EPB41L4A: variants seen among roughly 807,000 people sequenced by gnomAD.
EPB41L4A encodes the protein band 4.1-like protein 4A.
A neutral mutation model predicts 108.6 loss-of-function variants in EPB41L4A; 100 were observed. The observed-to-expected ratio is 0.92, with a 90% CI of 0.78 to 1.09. The LOEUF is 1.09. Ranked by LOEUF, EPB41L4A falls within the 50% of genes least tolerant of loss-of-function variation. The pLI is 0.00. For missense variants in EPB41L4A, 1,030 were observed against 842.7 expected, an observed-to-expected ratio of 1.22 and a Z score of -2.75; for synonymous variants, 319 against 289.0, an observed-to-expected ratio of 1.10 and a Z score of -1.05.
intron 1 of EPB41L4A, among the ~76,000 whole-genome samples, chr5:112,353,133 T>C (rs1758148185): frequency 6.6e-6 from 1 of 152,210 alleles, no homozygotes; most frequent in Non-Finnish European, 1.5e-5. Flanking sequence ...TAGGCTGTTA[T>C]TAGTGAAGAC....
chr5:112,386,933 C>A (rs1446799555), intron 1 of EPB41L4A, among the ~76,000 whole-genome samples: 1 of 152,140 alleles, frequency 6.6e-6, no homozygotes, highest in Non-Finnish European at 1.5e-5. Context: ...CTCCCACCGA[C>A]CTCACCACTG....
chr5:112,219,773 G>A (rs1315459062), intron 12 of EPB41L4A, among the ~76,000 whole-genome samples: 1 of 152,190 alleles, frequency 6.6e-6, no homozygotes, highest in African/African-American at 2.4e-5. Context: ...TTGGCTCACT[G>A]CAACTTCCAT....
At chr5:112,257,723 T>C (rs1305541548) in intron 9 of EPB41L4A, among the ~76,000 whole-genome samples, 1 of 152,192 alleles carries the variant, frequency 6.6e-6, no homozygotes, top group African/African-American at 2.4e-5. Flanking sequence ...ATACTCTGAA[T>C]AATAGTAATG....
intron 12 of EPB41L4A, among the ~76,000 whole-genome samples, chr5:112,223,678 AAAG>A (rs1369598107): frequency 2.0e-5 from 3 of 152,344 alleles, no homozygotes; most frequent in East Asian, 3.9e-4. Flanking sequence ...CTGACTTCCA[AAAG>A]AAGGAGCAGG....
chr5:112,333,728 C>A (rs533993848), intron 1 of EPB41L4A, among the ~76,000 whole-genome samples: 119 of 152,322 alleles, frequency 7.8e-4, no homozygotes, highest in African/African-American at 2.8e-3. Flanking sequence ...GTCACCAGTT[C>A]TCTTTTTGCA....
At position 112,178,696 on chromosome 5, in the gene EPB41L4A, G is replaced by T. The variant is rs115562011; in HGVS notation, c.1622+5320C>A. On this transcript the variant is annotated intron_variant, in intron 18 of 22. Transcript: ENST00000261486. ...AAATGCCAGCATCAAAAAAAGACAA[G>T]ATACATTAAAAATTATTTTGAACTG... 7.7e-3 allele frequency among the ~76,000 whole-genome samples: 1,169 copies of T among 151,280 alleles called. 5 individuals are homozygous for T. Among genetic ancestry groups the T allele is most frequent in the Middle Eastern group, 0.017 (5 of 292 alleles).
intron 1 of EPB41L4A, among the ~76,000 whole-genome samples, chr5:112,388,207 C>T (rs1287663546): frequency 6.6e-6 from 1 of 152,196 alleles, no homozygotes; most frequent in Non-Finnish European, 1.5e-5. Flanking sequence ...TTATCTCCTC[C>T]CTTCCCATCA....
intron 15 of EPB41L4A, among the ~76,000 whole-genome samples, 194 bp from the exon 16 acceptor site, chr5:112,195,902 C>T (rs1371781140): frequency 6.6e-6 from 1 of 152,128 alleles, no homozygotes; most frequent in Non-Finnish European, 1.5e-5. Flanking sequence ...ATAACATCAC[C>T]TGGCCTCACT....
chr5:112,310,786 G>C (rs1255445270), intron 1 of EPB41L4A, among the ~76,000 whole-genome samples: 1 of 152,032 alleles, frequency 6.6e-6, no homozygotes, highest in African/African-American at 2.4e-5. Flanking sequence ...CCCCCTATTT[G>C]AGTCTTGGTG....
At chr5:112,212,734 G>A (rs540070767) in intron 12 of EPB41L4A, among the ~76,000 whole-genome samples, 30 of 152,210 alleles carry the variant, frequency 2.0e-4, no homozygotes, top group African/African-American at 7.2e-4. Flanking sequence ...GGGAGAGGGG[G>A]CCACAGCAGA....
chr5:112,392,401 C>CAA (rs56256606), intron 1 of EPB41L4A, among the ~76,000 whole-genome samples: 1,457 of 35,854 alleles, frequency 0.041, 80 homozygotes, highest in African/African-American at 0.079. Context: ...AAATGGAAAG[C>CAA]AAAAAAAAAA....
chr5:112,396,077 C>T lies in EPB41L4A; in HGVS notation c.99+22864G>A, dbSNP rs184854298. Among the ~76,000 whole-genome samples, 372 of 152,134 alleles carry T rather than the reference C, an allele frequency of 2.4e-3. 1 individual carries two copies. Among genetic ancestry groups the T allele is most frequent in the Non-Finnish European group, 4.2e-3 (286 of 67,998 alleles). ...GAACACTTGGACACAGGGCAGGGAACATCACCCACTGGGGCCTGTCGTGGG... is the reference window on the plus strand; with the variant it reads ...GAACACTTGGACACAGGGCAGGGAATATCACCCACTGGGGCCTGTCGTGGG... On this transcript the variant is annotated intron_variant, in intron 1 of 22. Coordinates refer to ENST00000261486, the MANE Select transcript of EPB41L4A (RefSeq NM_022140.5).
chr5:112,283,652 C>A (rs966965147), intron 2 of EPB41L4A, among the ~76,000 whole-genome samples: 6 of 152,226 alleles, frequency 3.9e-5, no homozygotes, highest in Admixed American at 1.3e-4. Context: ...GGATATCATT[C>A]ATTCATTCAT....
intron 1 of EPB41L4A, among the ~76,000 whole-genome samples, chr5:112,348,329 C>T (rs998934454): frequency 6.6e-6 from 1 of 152,164 alleles, no homozygotes; most frequent in Non-Finnish European, 1.5e-5. Flanking sequence ...GCCTATAAAC[C>T]TCTCAAAAGC....
At chr5:112,351,112 C>T (rs1389732256) in intron 1 of EPB41L4A, among the ~76,000 whole-genome samples, 2 of 151,570 alleles carry the variant, frequency 1.3e-5, no homozygotes, top group African/African-American at 2.4e-5. Context: ...CAAAATGAGT[C>T]AAAGGAAAGA....
At chr5:112,158,393 G>C (rs181314437), downstream of EPB41L4A, 246 of 431,264 alleles carry the variant, frequency 5.7e-4, no homozygotes, top group Non-Finnish European at 1.0e-3. Flanking sequence ...CATGTGTGTA[G>C]TTATTACCTT....
At chr5:112,387,841 A>C (rs1196494512) in intron 1 of EPB41L4A, among the ~76,000 whole-genome samples, 1 of 152,244 alleles carries the variant, frequency 6.6e-6, no homozygotes, top group Non-Finnish European at 1.5e-5. Flanking sequence ...GTATACAATC[A>C]TATTAAAGAG....
rs578016549 is a variant in EPB41L4A, at chr5:112,406,609, G to A, written c.99+12332C>T. On this transcript the variant is annotated intron_variant, in intron 1 of 22. Transcript: ENST00000261486. ...GGTCATAGGAACAGACCAGAGGCCT[G>A]AGATGGCTTAATTTAAGGGCTGGGG... 2.0e-5 allele frequency among the ~76,000 whole-genome samples: 3 copies of A among 152,210 alleles called. No individual in the cohort carries two copies. The South Asian group carries it at 6.2e-4, about 32-fold the overall frequency.
At chr5:112,402,588 G>A (rs1169290165) in intron 1 of EPB41L4A, among the ~76,000 whole-genome samples, 1 of 152,094 alleles carries the variant, frequency 6.6e-6, no homozygotes, top group East Asian at 1.9e-4. Flanking sequence ...AAAAGAAAAA[G>A]CGTGGGGAAA....
Sources: gnomAD v4.1 joint callset for allele counts (sites outside exome capture counted in the v4.1 genomes callset) on GRCh38, gnomAD v4.1.1 for gene constraint, MANE v1.5 for transcripts, NCBI Gene and HGNC (gene_info 2026-07-23, HGNC 2026-07-21) for gene names.